COL5A1: variants seen among roughly 807,000 people sequenced by gnomAD.
COL5A1 encodes collagen alpha-1(V) chain.
A neutral mutation model predicts 263.7 loss-of-function variants in COL5A1; 16 were observed. The observed-to-expected ratio is 0.06, with a 90% CI of 0.04 to 0.09. COL5A1 has a LOEUF of 0.09. COL5A1 is among the 10% of genes least tolerant of loss of function. The pLI, the probability that COL5A1 is intolerant of heterozygous loss-of-function variation, is 1.00. For missense variants in COL5A1, 2,036 were observed against 2,540.5 expected (o/e 0.80, Z 4.27); for synonymous variants, 1,012 against 1,004.5 (o/e 1.01, Z -0.14).
intron 4 of COL5A1, 98 bp downstream of exon 4, chr9:134,701,431 G>A (rs979133258): frequency 2.0e-5 from 25 of 1,235,030 alleles, no homozygotes; most frequent in African/African-American, 1.0e-4. Context: ...GGCCGGGACC[G>A]GCTGGCGGTC....
intron 4 of COL5A1, among the ~76,000 whole-genome samples, chr9:134,711,730 G>A (rs949809088): frequency 2.0e-5 from 3 of 152,030 alleles, no homozygotes; most frequent in Admixed American, 6.6e-5. Flanking sequence ...TTGGGGTCCC[G>A]GATAGGAGGC....
chr9:134,644,713 G>A (rs1831420736), intron 1 of COL5A1, among the ~76,000 whole-genome samples: 2 of 152,192 alleles, frequency 1.3e-5, no homozygotes, highest in Non-Finnish European at 2.9e-5. Context: ...GTGAAGGAAT[G>A]AAAAGTAAGA....
chr9:134,767,650 A>G (rs2132729936), intron 24 of COL5A1, among the ~76,000 whole-genome samples: 1 of 152,374 alleles, frequency 6.6e-6, no homozygotes, highest in South Asian at 2.1e-4. Context: ...ACTATTGTGT[A>G]TCTGAAATTC....
At position 134,835,009 on chromosome 9, in the gene COL5A1, G is replaced by A; in HGVS notation, c.5175G>A (p.Val1725=). 1 of 1,613,786 alleles carries A rather than the reference G, an allele frequency of 6.2e-7. No individual in the cohort carries two copies. The highest frequency in any genetic ancestry group is 8.5e-7 in the Non-Finnish European group (1 of 1,180,026). Residue 1725 remains valine, a synonymous_variant, in exon 65 of 66, where the codon GTG becomes GTA. Coordinates refer to ENST00000371817, the MANE Select transcript of COL5A1 (RefSeq NM_000093.5). ...ACGCCGAGGGCAACCCTGTGGGTGTGGTACAGATGACCTTCCTGCGGCTGC... is the reference window on the plus strand; with the variant it reads ...ACGCCGAGGGCAACCCTGTGGGTGTAGTACAGATGACCTTCCTGCGGCTGC... ...YVDAEGNPVG[V]VQMTFLRLLS...
chr9:134,751,976 C>T (rs1052600627), intron 13 of COL5A1, among the ~76,000 whole-genome samples: 8 of 152,190 alleles, frequency 5.3e-5, no homozygotes, highest in Non-Finnish European at 1.2e-4. Context: ...TTTTATAATG[C>T]AAAACAAAAT....
intron 65 of COL5A1, among the ~76,000 whole-genome samples, chr9:134,837,936 C>T (rs1839902502): frequency 6.6e-6 from 1 of 152,188 alleles, no homozygotes; most frequent in Non-Finnish European, 1.5e-5. Flanking sequence ...TTCTTCTCAC[C>T]ATAGCCCCTT....
intron 37 of COL5A1, among the ~76,000 whole-genome samples, chr9:134,798,790 C>G (rs1838009206): frequency 6.6e-6 from 1 of 152,250 alleles, no homozygotes; most frequent in South Asian, 2.1e-4. Context: ...CCGACTGAAG[C>G]CTCATGCATC....
chr9:134,803,111 T>C, intron 39 of COL5A1, 116 bp downstream of exon 39: 1 of 856,832 alleles, frequency 1.2e-6, no homozygotes, highest in Non-Finnish European at 1.9e-6. Flanking sequence ...CAGACGCTTC[T>C]CATGCCGGTT....
At position 134,764,603 on chromosome 9, in the gene COL5A1, T is replaced by C. The variant is rs369598612; in HGVS notation, c.2034+866T>C. On this transcript the variant is annotated intron_variant, in intron 20 of 65. Transcript: ENST00000371817. ...AGGACATTAATTACTATTCATTTAC[T>C]GTTGCTTTAAAGCATCTCTTTTCTC... 2.3e-4 allele frequency among the ~76,000 whole-genome samples: 35 copies of C among 152,288 alleles called. No individual in the cohort carries two copies. The East Asian group carries it at 3.1e-3, about 13-fold the overall frequency.
intron 4 of COL5A1, among the ~76,000 whole-genome samples, chr9:134,701,771 C>T (rs1284719542): frequency 1.3e-5 from 2 of 152,210 alleles, no homozygotes; most frequent in East Asian, 3.9e-4. Context: ...ACCAGGGAGA[C>T]CTGTGCCGAC....
intron 2 of COL5A1, chr9:134,691,560 T>A (rs1191881389): frequency 1.2e-5 from 2 of 170,844 alleles, no homozygotes; most frequent in African/African-American, 4.8e-5. Context: ...GAGAGTCAAC[T>A]GCTAAATGCC....
chr9:134,748,096 TGCATCCACACATG>T (rs1835629325), intron 11 of COL5A1, among the ~76,000 whole-genome samples: 1 of 78,170 alleles, frequency 1.3e-5, no homozygotes, highest in Non-Finnish European at 3.0e-5. Flanking sequence ...TGCACAGACA[TGCATCCACACATG>T]CATACACAGA....
intron 4 of COL5A1, among the ~76,000 whole-genome samples, chr9:134,709,686 G>A (rs965020376): frequency 6.6e-6 from 1 of 152,224 alleles, no homozygotes; most frequent in Non-Finnish European, 1.5e-5. Flanking sequence ...TTGGGCTTCA[G>A]GTTTGTTCCA....
At chr9:134,782,547 G>C (rs562999510) in intron 28 of COL5A1, 120 bp from the exon 29 acceptor site, 2 of 945,402 alleles carry the variant, frequency 2.1e-6, no homozygotes, top group East Asian at 4.8e-5. Flanking sequence ...TCCGGGCCAT[G>C]TGCTGCCCCC....
chr9:134,803,648 A>C (rs897985032), intron 39 of COL5A1, among the ~76,000 whole-genome samples: 9 of 151,786 alleles, frequency 5.9e-5, no homozygotes, highest in African/African-American at 1.9e-4. Context: ...AAAACAAAAA[A>C]CAAAAAACAC....
intron 27 of COL5A1, among the ~76,000 whole-genome samples, chr9:134,777,359 C>T (rs1429282985): frequency 6.6e-6 from 1 of 152,214 alleles, no homozygotes; most frequent in African/African-American, 2.4e-5. Flanking sequence ...TCACGGATGC[C>T]CCAATCCAGC....
At chr9:134,711,769 C>T (rs981116589) in intron 4 of COL5A1, among the ~76,000 whole-genome samples, 3 of 152,060 alleles carry the variant, frequency 2.0e-5, no homozygotes, top group African/African-American at 7.3e-5. Context: ...TCCTTATTCT[C>T]ATGACCCCTT....
At chr9:134,796,784 G>T (rs1837925238) in intron 35 of COL5A1, 64 bp from the exon 36 acceptor site, 6 of 1,491,284 alleles carry the variant, frequency 4.0e-6, no homozygotes, top group Middle Eastern at 1.7e-4. Context: ...GCACAGGCAG[G>T]TCAGCGGCAG....
rs574222596 is a variant in COL5A1, at chr9:134,641,939, G to A, written c.-249G>A. ...GAGGAGGAGGAGGAGGCGAGGGCGAGCTAGCCCAGCGGGGTCCCGGCCGCC... is the reference window on the plus strand; with the variant it reads ...GAGGAGGAGGAGGAGGCGAGGGCGAACTAGCCCAGCGGGGTCCCGGCCGCC... On this transcript the variant is annotated 5_prime_UTR_variant, in exon 1 of 66. Coordinates refer to ENST00000371817, the MANE Select transcript of COL5A1 (RefSeq NM_000093.5). The A allele has an allele frequency of 1.4e-3, 528 of 390,184 alleles. 3 individuals carry two copies. The highest frequency in any genetic ancestry group is 0.01 in the African/African-American group (498 of 48,180). The allele number at this position is 390,184 out of a possible 1,614,324, so 24.2% of individuals were successfully genotyped here.
Sources: allele counts gnomAD v4.1 joint callset (sites outside exome capture counted in the v4.1 genomes callset), GRCh38; gene constraint gnomAD v4.1.1; transcripts MANE v1.5; gene names NCBI Gene and HGNC (gene_info 2026-07-23, HGNC 2026-07-21).